The following RNF24 variants were observed in gnomAD, a reference collection of about 807,000 sequenced individuals.
The protein encoded by RNF24 is ring finger protein 24.
RNF24 carries 14 observed loss-of-function variants against 20.0 expected under a neutral mutation model. The observed-to-expected ratio is 0.70, with a 90% CI of 0.46 to 1.10. The LOEUF (loss-of-function observed/expected upper bound fraction) is 1.10, where lower values mean the gene tolerates loss of function less well. Among genes scored for constraint, RNF24 ranks in the 50% least tolerant of loss-of-function variants. RNF24 has a pLI of 0.00. For synonymous variants in RNF24, 45 were observed against 61.1 expected, an observed-to-expected ratio of 0.74 and a Z score of 1.23; for missense variants, 124 against 177.6, an observed-to-expected ratio of 0.70 and a Z score of 1.71.
chr20:3,962,432 T>C (rs1193928767), intron 2 of RNF24, among the ~76,000 whole-genome samples: 1 of 152,160 alleles, frequency 6.6e-6, no homozygotes, highest in African/African-American at 2.4e-5. Context: ...ACAAAAAGTG[T>C]AACACAAAAA....
chr20:3,934,846 T>C lies in RNF24; in HGVS notation c.308+148A>G, dbSNP rs1038298299. 6 of 629,730 alleles carry C rather than the reference T, an allele frequency of 9.5e-6. No homozygotes were observed. The highest frequency in any genetic ancestry group is 1.8e-5 in the Non-Finnish European group (6 of 342,498). The allele number at this position is 629,730 out of a possible 1,614,324, so 39.0% of individuals were successfully genotyped here. ...CTAATGTCACGCACACACACACACA[T>C]CCCACCTGTAGGGTGCTGTCAGCTT... On this transcript the variant is annotated intron_variant, in intron 5 of 5. Coordinates refer to ENST00000358395, the MANE Select transcript of RNF24 (RefSeq NM_001134337.3). This position sits in a 1 kb window ranked among gnomAD's most constrained non-coding sequence, Gnocchi z 4.0.
chr20:4,009,999 C>G (rs910469583), intron 1 of RNF24, among the ~76,000 whole-genome samples: 69 of 151,556 alleles, frequency 4.6e-4, no homozygotes, highest in African/African-American at 1.6e-3. Context: ...CGAAGTGAGC[C>G]GAGATCACGC....
intron 1 of RNF24, among the ~76,000 whole-genome samples, chr20:3,972,364 A>C (rs1459473702): frequency 6.6e-6 from 1 of 152,026 alleles, no homozygotes; most frequent in African/African-American, 2.4e-5. Flanking sequence ...TCAAATACCC[A>C]TGGCACCTAC....
At chr20:3,970,438 A>G (rs2091303375) in intron 1 of RNF24, among the ~76,000 whole-genome samples, 2 of 152,190 alleles carry the variant, frequency 1.3e-5, no homozygotes, top group African/African-American at 4.8e-5. Context: ...TTCAACTAAA[A>G]ATTACTCATC....
At chr20:4,005,912 A>G (rs576596983) in intron 1 of RNF24, among the ~76,000 whole-genome samples, 1 of 152,362 alleles carries the variant, frequency 6.6e-6, no homozygotes, top group East Asian at 1.9e-4. Context: ...TTATTCTTAC[A>G]GTATGATATT....
At chr20:4,002,547 C>T (rs989942342) in intron 1 of RNF24, among the ~76,000 whole-genome samples, 1 of 152,094 alleles carries the variant, frequency 6.6e-6, no homozygotes, top group African/African-American at 2.4e-5. Flanking sequence ...AAGAACCTCA[C>T]TAGCAGAAAA....
intron 1 of RNF24, among the ~76,000 whole-genome samples, chr20:4,008,122 G>A (rs1478337546): frequency 3.3e-5 from 5 of 149,332 alleles, no homozygotes; most frequent in Non-Finnish European, 7.4e-5. Context: ...ACTGAGTTTC[G>A]TGTTTTACAT....
Position 3,932,294 on chromosome 20 carries a change from A to C in RNF24, c.*1769T>G, listed in dbSNP as rs1169650341. 1 of 152,200 alleles carries C rather than the reference A, an allele frequency of 6.6e-6. No homozygotes were observed. The highest frequency in any genetic ancestry group is 1.5e-5 in the Non-Finnish European group (1 of 68,034). The allele number at this position is 152,200 out of a possible 1,614,324, so 9.4% of individuals were successfully genotyped here. ...AAAAAGACGGTGAAAGTAGGAGTGC[A>C]TAAATAGTTTTTTTCATGGGTGCCA... is the stretch of plus-strand genomic sequence containing the variant. On this transcript the variant is annotated 3_prime_UTR_variant, in exon 6 of 6. Transcript: ENST00000358395.
At position 3,931,298 on chromosome 20, in the gene RNF24, A is replaced by G. The variant is rs1406300765; in HGVS notation, c.*2765T>C. On this transcript the variant is annotated 3_prime_UTR_variant, in exon 6 of 6. Transcript: ENST00000358395. Reference sequence around the variant, plus strand: ...ACGCAGCTACACAGTAACAAGTCCCAGCAACTCCTGAAGATAGATGCGGAA... The same window carrying G: ...ACGCAGCTACACAGTAACAAGTCCCGGCAACTCCTGAAGATAGATGCGGAA... 3 of 152,204 alleles carry G rather than the reference A, an allele frequency of 2.0e-5. No individual in the cohort carries two copies. Among genetic ancestry groups the G allele is most frequent in the African/African-American group, 7.2e-5 (3 of 41,444 alleles). The allele number at this position is 152,204 out of a possible 1,614,324, so 9.4% of individuals were successfully genotyped here. A position where few individuals can be genotyped will look rare whatever the true frequency, so the allele number is the denominator to read the frequency against.
chr20:4,000,908 G>A (rs188477792), intron 1 of RNF24, among the ~76,000 whole-genome samples: 22 of 152,264 alleles, frequency 1.4e-4, no homozygotes, highest in Admixed American at 1.0e-3. Context: ...AATCCCACAC[G>A]CTTTTCTGTA....
At chr20:3,990,795 G>A (rs1980369943) in intron 1 of RNF24, among the ~76,000 whole-genome samples, 2 of 152,024 alleles carry the variant, frequency 1.3e-5, no homozygotes, top group African/African-American at 4.8e-5. Context: ...AGGATCATCT[G>A]TGACCCAAGG....
intron 2 of RNF24, among the ~76,000 whole-genome samples, chr20:3,962,259 G>C (rs140990590): frequency 2.0e-5 from 3 of 152,122 alleles, no homozygotes; most frequent in Non-Finnish European, 2.9e-5. Context: ...GGGATGCTGA[G>C]GTGGGAGGAT....
chr20:3,959,516 T>C (rs1439533232), intron 2 of RNF24, among the ~76,000 whole-genome samples: 2 of 152,194 alleles, frequency 1.3e-5, no homozygotes, highest in Non-Finnish European at 2.9e-5. Context: ...ATTTATGGGG[T>C]ACATGTAATA....
intron 2 of RNF24, among the ~76,000 whole-genome samples, chr20:3,955,709 C>T (rs2091134325): frequency 6.6e-6 from 1 of 152,090 alleles, no homozygotes; most frequent in South Asian, 2.1e-4. Context: ...CTGTAGATTG[C>T]CTTGGAAAAT....
At chr20:4,014,745 A>G (rs1382089971) in intron 1 of RNF24, among the ~76,000 whole-genome samples, 24 of 115,182 alleles carry the variant, frequency 2.1e-4, no homozygotes, top group African/African-American at 5.9e-4. Flanking sequence ...ATGCGCACAC[A>G]CACACACACA....
intron 2 of RNF24, among the ~76,000 whole-genome samples, chr20:3,953,346 G>A (rs2091103771): frequency 6.7e-6 from 1 of 148,854 alleles, no homozygotes. Context: ...GTAGAGACGA[G>A]GTTTCACCAT....
chr20:3,929,243 T>A lies in RNF24; in HGVS notation c.*4820A>T, dbSNP rs1038279535. 1 of 152,198 alleles carries A rather than the reference T, an allele frequency of 6.6e-6. No homozygotes were observed. Among genetic ancestry groups the A allele is most frequent in the African/African-American group, 2.4e-5 (1 of 41,424 alleles). 9.4% of individuals were successfully genotyped at this position (152,198 alleles called of 1,614,324 possible). On this transcript the variant is annotated 3_prime_UTR_variant, in exon 6 of 6. Transcript: ENST00000358395. The stretch of plus-strand genomic sequence containing the variant: ...GTTGAGACCTGTCTCTACAAAAAAA[T>A]AATTACGAAAATTAGCCAGGTGTGC...
chr20:4,011,157 G>A (rs1417090961), intron 1 of RNF24, among the ~76,000 whole-genome samples: 1 of 152,142 alleles, frequency 6.6e-6, no homozygotes, highest in East Asian at 1.9e-4. Context: ...AAGGGAATGA[G>A]GATTAAAATG....
At chr20:3,972,971 G>A (rs1439677310) in intron 1 of RNF24, among the ~76,000 whole-genome samples, 1 of 152,004 alleles carries the variant, frequency 6.6e-6, no homozygotes, top group Non-Finnish European at 1.5e-5. Context: ...GGGAGGCCGA[G>A]GCGGGTGGAT....
Sources: gnomAD v4.1 joint callset for allele counts (sites outside exome capture counted in the v4.1 genomes callset) on GRCh38, gnomAD v4.1.1 for gene constraint, Gnocchi (gnomAD v3.1) non-coding constraint, MANE v1.5 for transcripts, NCBI Gene and HGNC (gene_info 2026-07-23, HGNC 2026-07-21) for gene names.